Variants in PUS7 observed in about 807,000 individuals in gnomAD.
PUS7 encodes pseudouridine synthase 7.
A neutral mutation model predicts 79.8 loss-of-function variants in PUS7; 48 were observed. That is an observed-to-expected ratio of 0.60 (90% CI 0.48 to 0.76). PUS7 has a LOEUF of 0.76. Among genes scored for constraint, PUS7 ranks in the 30% least tolerant of loss-of-function variants. The probability of loss-of-function intolerance (pLI) is 0.00; values close to 1 mark genes in which losing one functional copy is unlikely to be tolerated. For missense variants in PUS7, 729 were observed against 797.6 expected, an observed-to-expected ratio of 0.91 and a Z score of 1.04; for synonymous variants, 286 against 272.2, an observed-to-expected ratio of 1.05 and a Z score of -0.50.
intron 7 of PUS7, among the ~76,000 whole-genome samples, chr7:105,487,758 G>A (rs1285681955): frequency 6.6e-6 from 1 of 152,148 alleles, no homozygotes; most frequent in East Asian, 1.9e-4. Context: ...GGGAAATACT[G>A]GCCCAAGTTC....
At chr7:105,474,510 TG>T (rs1348730293) in intron 9 of PUS7, among the ~76,000 whole-genome samples, 4 of 151,790 alleles carry the variant, frequency 2.6e-5, no homozygotes, top group Admixed American at 6.6e-5. Flanking sequence ...GGCTCACACC[TG>T]TAATCTCAGC....
At chr7:105,483,356 G>C (rs1824409130) in intron 7 of PUS7, among the ~76,000 whole-genome samples, 2 of 151,996 alleles carry the variant, frequency 1.3e-5, no homozygotes, top group South Asian at 4.2e-4. Flanking sequence ...GTACAGATGG[G>C]GTTTCACCAT....
Position 105,463,645 on chromosome 7 carries a change from CTTT to C in PUS7, c.1628-898_1628-896del, listed in dbSNP as rs5886354. Among the ~76,000 whole-genome samples the C allele has an allele frequency of 6.7e-3, 992 of 147,306 alleles. 13 individuals carry two copies. Among genetic ancestry groups the C allele is most frequent in the African/African-American group, 0.023 (932 of 40,334 alleles). Reference sequence around the variant, plus strand: ...TTCCTATTAAATACCTTCTGCAGTTCTTTTTTTTTTTTTTAACATCTTACTAAA... The same window carrying C: ...TTCCTATTAAATACCTTCTGCAGTTCTTTTTTTTTTTAACATCTTACTAAA... On this transcript the variant is annotated intron_variant, in intron 13 of 15. Coordinates refer to ENST00000469408, the MANE Select transcript of PUS7 (RefSeq NM_019042.5).
chr7:105,508,316 C>A lies in PUS7; in HGVS notation c.197G>T (p.Ser66Ile). ...AGAATTCTTTCCACCTTTCCCAGTA[C>A]TGACAGTGTCAGGAGGCCGAGGCAC... ...EDVPRPPDTV[S>I]TGKGGKNSEA... is the part of the protein sequence containing the mutation. Residue 66 changes from serine to isoleucine, a missense_variant, in exon 2 of 16, where the codon AGT (serine) becomes ATT (isoleucine). Ser to Ile is a moderately radical substitution (Grantham distance 142). Coordinates refer to ENST00000469408, the MANE Select transcript of PUS7 (RefSeq NM_019042.5). 1 of 1,614,182 alleles carries A rather than the reference C, an allele frequency of 6.2e-7. No individual in the cohort carries two copies. The highest frequency in any genetic ancestry group is 1.3e-5 in the African/African-American group (1 of 75,044).
intron 5 of PUS7, among the ~76,000 whole-genome samples, chr7:105,496,214 T>TAGAG (rs1441042128): frequency 0.011 from 756 of 71,576 alleles, 4 homozygotes; most frequent in Non-Finnish European, 0.015. Flanking sequence ...TATATATATA[T>TAGAG]ATATATATAT....
At position 105,517,166 on chromosome 7, in the gene PUS7, C is replaced by CTTTTTTTTTTTT. The variant is rs1289590315; in HGVS notation, c.-33+4885_-33+4886insAAAAAAAAAAAA. ...CCAAAACTTAAAATCCTTCACATTT[C>CTTTTTTTTTTTT]TTTTTTTGGCGATGGAGTCTTACCC... On this transcript the variant is annotated intron_variant, in intron 1 of 15. Transcript: ENST00000469408. 4.1e-5 allele frequency among the ~76,000 whole-genome samples: 6 copies of CTTTTTTTTTTTT among 146,628 alleles called. 1 individual carries two copies. Among genetic ancestry groups the CTTTTTTTTTTTT allele is most frequent in the Non-Finnish European group, 9.1e-5 (6 of 65,804 alleles).
chr7:105,459,148 TG>T lies in PUS7; in HGVS notation c.1849+19del. On this transcript the variant is annotated intron_variant, in intron 15 of 15. Transcript: ENST00000469408. ...AAACATTTCAAAGTCAACACAGAGC[TG>T]ATGACTGAGTAAACTTACCAGAAGC... is the stretch of plus-strand genomic sequence containing the variant. 6.6e-7 allele frequency: 1 copy of T among 1,523,780 alleles called. No homozygotes were observed. 94.4% of individuals were successfully genotyped at this position (1,523,780 alleles called of 1,614,324 possible).
intron 5 of PUS7, 111 bp downstream of exon 5, chr7:105,502,309 T>C (rs1381246067): frequency 7.6e-7 from 1 of 1,317,398 alleles, no homozygotes; most frequent in African/African-American, 1.5e-5. Flanking sequence ...TCAATATTGT[T>C]CTCTGAGCAG....
At chr7:105,460,433 G>A (rs1823374714) in intron 14 of PUS7, among the ~76,000 whole-genome samples, 1 of 152,200 alleles carries the variant, frequency 6.6e-6, no homozygotes, top group African/African-American at 2.4e-5. Context: ...ACTCCAGAGA[G>A]GAGGAGGTAA....
chr7:105,471,475 A>G (rs1348515180), intron 10 of PUS7, among the ~76,000 whole-genome samples: 1 of 152,236 alleles, frequency 6.6e-6, no homozygotes, highest in African/African-American at 2.4e-5. Context: ...TTTTTAAAAT[A>G]TATTTATATT....
intron 6 of PUS7, among the ~76,000 whole-genome samples, chr7:105,492,261 G>C (rs1240014937): frequency 6.6e-6 from 1 of 151,880 alleles, no homozygotes; most frequent in East Asian, 1.9e-4. Flanking sequence ...ACTCCTGCCT[G>C]GGTGACGTAG....
chr7:105,502,249 C>T (rs945567877), intron 5 of PUS7, among the ~76,000 whole-genome samples, 171 bp downstream of exon 5: 4 of 152,130 alleles, frequency 2.6e-5, no homozygotes, highest in Admixed American at 6.5e-5. Context: ...TGCAGGACTG[C>T]GCTGGCATCT....
chr7:105,488,150 G>A (rs187533295), intron 7 of PUS7, among the ~76,000 whole-genome samples: 1 of 152,328 alleles, frequency 6.6e-6, no homozygotes, highest in African/African-American at 2.4e-5. Context: ...TGAGGACAGA[G>A]CAGTGTCCTG....
chr7:105,506,663 T>C (rs1325388040), intron 2 of PUS7, among the ~76,000 whole-genome samples: 9 of 152,150 alleles, frequency 5.9e-5, no homozygotes. Flanking sequence ...CCTCAAGTGA[T>C]CTGCCCATCT....
At chr7:105,521,846 C>G (rs112427007) in intron 1 of PUS7, among the ~76,000 whole-genome samples, 16,931 of 144,140 alleles carry the variant, frequency 0.12, 1,253 homozygotes, top group Non-Finnish European at 0.18. Flanking sequence ...CCTGCACCGC[C>G]GAAGCGCAGG....
chr7:105,508,229 T>G lies in PUS7; in HGVS notation c.284A>C (p.Glu95Ala). The change falls in exon 2 of 16, where the codon GAG becomes GCG. Residue 95 changes from glutamate to alanine, a missense_variant. Coordinates refer to ENST00000469408, the MANE Select transcript of PUS7 (RefSeq NM_019042.5). ...GTCTGCAAAACTCTCTGATTCCTCCTCCTCGCACTCCTCTGAAAGTCCATC... is the reference window on the plus strand; with the variant it reads ...GTCTGCAAAACTCTCTGATTCCTCCGCCTCGCACTCCTCTGAAAGTCCATC... ...EEDGLSEECE[E>A]EESESFADMM... 1 of 1,614,142 alleles carries G rather than the reference T, an allele frequency of 6.2e-7. No individual in the cohort carries two copies. Among genetic ancestry groups the G allele is most frequent in the Non-Finnish European group, 8.5e-7 (1 of 1,180,010 alleles).
At chr7:105,464,376 G>A (rs1285875498) in intron 13 of PUS7, among the ~76,000 whole-genome samples, 1 of 152,200 alleles carries the variant, frequency 6.6e-6, no homozygotes, top group African/African-American at 2.4e-5. Context: ...ACCGGACTGT[G>A]CCAGCTGTGT....
At chr7:105,479,768 C>T (rs1586120881) in intron 9 of PUS7, among the ~76,000 whole-genome samples, 4 of 152,122 alleles carry the variant, frequency 2.6e-5, no homozygotes, top group East Asian at 1.9e-4. Context: ...GAGGCCAAGA[C>T]GGGCAGATCA....
chr7:105,497,380 G>C (rs1284407891), intron 5 of PUS7, among the ~76,000 whole-genome samples: 2 of 152,130 alleles, frequency 1.3e-5, no homozygotes, highest in Non-Finnish European at 2.9e-5. Context: ...TTTTGATAGT[G>C]AGACAAGTAA....
Sources: allele counts gnomAD v4.1 joint callset (sites outside exome capture counted in the v4.1 genomes callset), GRCh38; gene constraint gnomAD v4.1.1; transcripts MANE v1.5; gene names NCBI Gene and HGNC (gene_info 2026-07-23, HGNC 2026-07-21).